Variants in PRR16 observed in about 807,000 individuals in gnomAD.
PRR16 encodes proline rich 16.
Under a neutral mutation model 18.2 loss-of-function variants are expected in PRR16, and 6 were observed. The ratio of observed to expected loss-of-function variants is 0.33; its 90% CI spans 0.18 to 0.65. The LOEUF (loss-of-function observed/expected upper bound fraction) is 0.65, where lower values mean the gene tolerates loss of function less well. PRR16 is among the 30% of genes least tolerant of loss of function. The pLI, the probability that PRR16 is intolerant of heterozygous loss-of-function variation, is 0.74. For synonymous variants in PRR16, 151 were observed against 147.8 expected (o/e 1.02, Z -0.16); for missense variants, 412 against 376.6 (o/e 1.09, Z -0.78).
chr5:120,538,498 C>T (rs1282912396), intron 1 of PRR16, among the ~76,000 whole-genome samples: 1 of 152,184 alleles, frequency 6.6e-6, no homozygotes, highest in Non-Finnish European at 1.5e-5. Flanking sequence ...ACACATACTG[C>T]AATTTCGAAC....
chr5:120,528,553 A>C lies in PRR16; in HGVS notation c.159+63908A>C, dbSNP rs548358723. On this transcript the variant is annotated intron_variant, in intron 1 of 1. Transcript: ENST00000407149. ...GGAAATACAAATAATCTGTAAATCA[A>C]TTATGAATTTGAGCTCAGTGAAGGC... Among the ~76,000 whole-genome samples, 24 of 152,310 alleles carry C rather than the reference A, an allele frequency of 1.6e-4. No homozygotes were observed. In the South Asian group the frequency reaches 4.3e-3, roughly 28 times the overall value.
the PRR16 span, among the ~76,000 whole-genome samples, chr5:120,740,973 A>G: frequency 9.9e-5 from 15 of 152,020 alleles, no homozygotes; most frequent in African/African-American, 3.1e-4. Context: ...TAATTTTCCT[A>G]TTAATATATA....
chr5:120,583,608 G>T (rs888449840), intron 1 of PRR16, among the ~76,000 whole-genome samples: 1 of 152,154 alleles, frequency 6.6e-6, no homozygotes, highest in Non-Finnish European at 1.5e-5. Flanking sequence ...TGTCAAGACT[G>T]CCTTTAGAAC....
intron 1 of PRR16, among the ~76,000 whole-genome samples, chr5:120,599,902 C>T (rs1224485584): frequency 6.6e-6 from 1 of 151,822 alleles, no homozygotes; most frequent in Non-Finnish European, 1.5e-5. Flanking sequence ...TAACCCTATG[C>T]CCACAGGACC....
At chr5:120,607,781 T>G (rs1754202004) in intron 1 of PRR16, among the ~76,000 whole-genome samples, 2 of 151,430 alleles carry the variant, frequency 1.3e-5, no homozygotes, top group South Asian at 2.1e-4. Flanking sequence ...CATGTGTGTT[T>G]GTGTGAGTGT....
chr5:120,492,692 G>A (rs1242486963), intron 1 of PRR16, among the ~76,000 whole-genome samples: 1 of 152,102 alleles, frequency 6.6e-6, no homozygotes, highest in African/African-American at 2.4e-5. Context: ...CGTACCCAAT[G>A]TAGTCTTTTA....
intron 1 of PRR16, among the ~76,000 whole-genome samples, chr5:120,595,424 AT>A (rs1753767820): frequency 1.0e-5 from 1 of 96,090 alleles, no homozygotes. Flanking sequence ...AAGGGCTATT[AT>A]CAAAAAGTCA....
chr5:120,621,560 A>G (rs1754690362), intron 1 of PRR16, among the ~76,000 whole-genome samples: 1 of 152,112 alleles, frequency 6.6e-6, no homozygotes, highest in African/African-American at 2.4e-5. Context: ...CATGAATTTT[A>G]ATCCCCATAA....
chr5:120,738,295 T>C, the PRR16 span, among the ~76,000 whole-genome samples: 1 of 152,092 alleles, frequency 6.6e-6, no homozygotes, highest in Non-Finnish European at 1.5e-5. Flanking sequence ...TTGAATAAAG[T>C]TAAATATTTC....
At chr5:120,730,630 T>C in the PRR16 span, among the ~76,000 whole-genome samples, 3 of 152,214 alleles carry the variant, frequency 2.0e-5, no homozygotes, top group Middle Eastern at 3.4e-3. Context: ...GAAGCAATGG[T>C]AAGCAGTGTA....
chr5:120,600,217 T>G (rs1753939450), intron 1 of PRR16, among the ~76,000 whole-genome samples: 1 of 151,918 alleles, frequency 6.6e-6, no homozygotes, highest in South Asian at 2.1e-4. Context: ...TGTAGGAGAA[T>G]GGGTTGTACT....
At chr5:120,791,608 TATCTATCTATCTATCC>T in the PRR16 span, among the ~76,000 whole-genome samples, 3 of 80,094 alleles carry the variant, frequency 3.7e-5, no homozygotes, top group African/African-American at 1.2e-4. Context: ...TCTATCTATC[TATCTATCTATCTATCC>T]ATCCATCTAT....
At chr5:120,662,521 A>ATTTTGT (rs1756211451) in intron 1 of PRR16, among the ~76,000 whole-genome samples, 5 of 152,042 alleles carry the variant, frequency 3.3e-5, no homozygotes, top group African/African-American at 9.7e-5. Context: ...GTAGCACAAA[A>ATTTTGT]CGCTCAGGGA....
intron 1 of PRR16, among the ~76,000 whole-genome samples, chr5:120,522,233 T>G (rs553735555): frequency 6.6e-6 from 1 of 152,334 alleles, no homozygotes; most frequent in South Asian, 2.1e-4. Context: ...TCTAGATCCT[T>G]GAGGAATCAC....
At chr5:120,739,512 T>C in the PRR16 span, among the ~76,000 whole-genome samples, 2 of 152,120 alleles carry the variant, frequency 1.3e-5, no homozygotes, top group South Asian at 4.1e-4. Context: ...AAAATCAGTC[T>C]TTTAGAACAG....
intron 1 of PRR16, among the ~76,000 whole-genome samples, chr5:120,666,469 G>T (rs1236316056): frequency 6.6e-6 from 1 of 151,084 alleles, no homozygotes; most frequent in Non-Finnish European, 1.5e-5. Flanking sequence ...CTGCCTAATT[G>T]CCCTGGCCAG....
intron 1 of PRR16, among the ~76,000 whole-genome samples, chr5:120,510,698 GGTCTCCAGATTGGAA>G (rs1750799113): frequency 6.6e-6 from 1 of 152,046 alleles, no homozygotes; most frequent in African/African-American, 2.4e-5. Context: ...TATTTACCAT[GGTCTCCAGATTGGAA>G]TATCTACAGG....
At chr5:120,528,383 G>A (rs1432941264) in intron 1 of PRR16, among the ~76,000 whole-genome samples, 1 of 152,152 alleles carries the variant, frequency 6.6e-6, no homozygotes, top group Non-Finnish European at 1.5e-5. Context: ...AATGGTGATT[G>A]CCAGACACAT....
intron 1 of PRR16, among the ~76,000 whole-genome samples, chr5:120,486,261 C>T (rs1749796289): frequency 6.6e-6 from 1 of 152,152 alleles, no homozygotes; most frequent in African/African-American, 2.4e-5. Context: ...TTTACAGTTC[C>T]AACAGCAGTG....
Sources: allele counts gnomAD v4.1 joint callset (sites outside exome capture counted in the v4.1 genomes callset), GRCh38; gene constraint gnomAD v4.1.1; transcripts MANE v1.5; gene names NCBI Gene and HGNC (gene_info 2026-07-23, HGNC 2026-07-21).